CSMD1: variants seen among roughly 807,000 people sequenced by gnomAD.
CSMD1 encodes CUB and Sushi multiple domains 1, also known as CUB and sushi domain-containing protein 1.
CSMD1 carries 213 observed loss-of-function variants against 417.5 expected under a neutral mutation model. The observed-to-expected ratio is 0.51, with a 90% CI of 0.46 to 0.57. The LOEUF is 0.57. Among genes scored for constraint, CSMD1 ranks in the 20% least tolerant of loss-of-function variants. The pLI is 0.00. For synonymous variants in CSMD1, 2,862 were observed against 1,736.8 expected (o/e 1.65, Z -16.11); for missense variants, 6,923 against 4,529.7 (o/e 1.53, Z -15.17).
intron 21 of CSMD1, among the ~76,000 whole-genome samples, chr8:3,354,931 A>ATCTATATCTG (rs1808675714): frequency 1.6e-5 from 1 of 63,136 alleles, no homozygotes; most frequent in African/African-American, 8.1e-5. Context: ...ATCTATAGAT[A>ATCTATATCTG]TAGATATATA....
At chr8:3,497,108 T>C (rs938883865) in intron 10 of CSMD1, among the ~76,000 whole-genome samples, 3 of 152,156 alleles carry the variant, frequency 2.0e-5, no homozygotes, top group Non-Finnish European at 4.4e-5. Context: ...ATGAGAAAAA[T>C]GTGTATTATG....
In CSMD1 at chr8:3,298,992, G is replaced by A. The variant is rs532980304; in HGVS notation, c.3950+8703C>T. The stretch of plus-strand genomic sequence containing the variant: ...ACACAGAAAAACAAACATGCACCCT[G>A]GTACCATGGAGTTTTGCCATCTTGG... On this transcript the variant is annotated intron_variant, in intron 25 of 69. Coordinates refer to ENST00000635120, the MANE Select transcript of CSMD1 (RefSeq NM_033225.6). Among the ~76,000 whole-genome samples the A allele has an allele frequency of 2.8e-4, 43 of 152,174 alleles. 2 individuals carry two copies. In the South Asian group the frequency reaches 8.9e-3, roughly 32 times the overall value.
intron 26 of CSMD1, among the ~76,000 whole-genome samples, chr8:3,259,363 G>T (rs754179531): frequency 3.5e-4 from 54 of 152,174 alleles, no homozygotes; most frequent in Non-Finnish European, 6.9e-4. Flanking sequence ...GTCCTGCTTA[G>T]CTCTCAGCAT....
chr8:4,039,229 T>C (rs1460044524), intron 3 of CSMD1, among the ~76,000 whole-genome samples: 1 of 152,170 alleles, frequency 6.6e-6, no homozygotes, highest in Non-Finnish European at 1.5e-5. Context: ...TCTCTACACT[T>C]TGCCTCTGTA....
At position 3,795,211 on chromosome 8, in the gene CSMD1, C is replaced by A. The variant is rs868756577; in HGVS notation, c.819-41169G>T. Among the ~76,000 whole-genome samples the A allele has an allele frequency of 4.2e-5, 3 of 71,934 alleles. 1 individual carries two copies. Among genetic ancestry groups the A allele is most frequent in the Non-Finnish European group, 5.7e-5 (2 of 35,262 alleles). The allele number at this position is 71,934 out of a possible 152,430, so 47.2% of individuals were successfully genotyped here. On this transcript the variant is annotated intron_variant, in intron 5 of 69. Transcript: ENST00000635120. ...TACCTATCATGTACAGATATAGATA[C>A]CTATCATGTACAGATATAGATATAT...
At chr8:4,469,444 G>C (rs1403643265) in intron 2 of CSMD1, among the ~76,000 whole-genome samples, 1 of 152,200 alleles carries the variant, frequency 6.6e-6, no homozygotes, top group East Asian at 1.9e-4. Flanking sequence ...ACTGCAAATT[G>C]TGTTATTGGC....
chr8:4,617,528 G>C (rs546866855), intron 2 of CSMD1, among the ~76,000 whole-genome samples: 7 of 152,268 alleles, frequency 4.6e-5, no homozygotes, highest in South Asian at 2.1e-4. Flanking sequence ...TGAGGTTTCT[G>C]TCTGGATTTG....
At chr8:3,970,992 C>G (rs1201967847) in intron 5 of CSMD1, among the ~76,000 whole-genome samples, 1 of 152,106 alleles carries the variant, frequency 6.6e-6, no homozygotes, top group Non-Finnish European at 1.5e-5. Flanking sequence ...CTCAGGTGAT[C>G]CCCCCGCCTC....
At chr8:4,278,967 T>C (rs1796635187) in intron 3 of CSMD1, among the ~76,000 whole-genome samples, 1 of 152,224 alleles carries the variant, frequency 6.6e-6, no homozygotes, top group Non-Finnish European at 1.5e-5. Flanking sequence ...TATGTCCATA[T>C]ATGAAATAAG....
intron 5 of CSMD1, among the ~76,000 whole-genome samples, chr8:3,838,367 C>T (rs1242707136): frequency 6.6e-6 from 1 of 150,700 alleles, no homozygotes; most frequent in Non-Finnish European, 1.5e-5. Context: ...GAGACACTGT[C>T]TCTACTATAT....
chr8:3,083,343 ATTTTAT>A (rs1458658271), intron 49 of CSMD1, among the ~76,000 whole-genome samples: 2 of 151,834 alleles, frequency 1.3e-5, no homozygotes, highest in African/African-American at 4.8e-5. Context: ...TTCCCTTAAT[ATTTTAT>A]TTTTAACACC....
chr8:2,965,804 C>T lies in CSMD1; in HGVS notation c.9251G>A (p.Arg3084Lys), dbSNP rs61744049. 10 of 1,609,466 alleles carry T rather than the reference C, an allele frequency of 6.2e-6. No homozygotes were observed. In the African/African-American group the frequency reaches 1.2e-4, roughly 19 times the overall value. Residue 3084 changes from arginine (R) to lysine (K), a missense_variant, in exon 59 of 70, where the codon AGG becomes AAG. Physicochemically the swap from Arg to Lys is conservative, Grantham distance 26 (BLOSUM62 2). Transcript: ENST00000635120. The part of the protein sequence containing the change: ...SATIRCTKDG[R>K]WNPSKPVCKA... ...GCAGACAGGTTTGCTCGGATTCCAC[C>T]TGCCGTCTTTGGTACAGCGAATAGT...
At chr8:3,836,050 A>G (rs1415725203) in intron 5 of CSMD1, among the ~76,000 whole-genome samples, 3 of 151,934 alleles carry the variant, frequency 2.0e-5, no homozygotes, top group African/African-American at 7.3e-5. Flanking sequence ...CTAATTGTTT[A>G]TTGATTTTCT....
At chr8:3,145,674 T>C (rs1278130767) in intron 40 of CSMD1, among the ~76,000 whole-genome samples, 2 of 152,234 alleles carry the variant, frequency 1.3e-5, no homozygotes, top group Non-Finnish European at 2.9e-5. Flanking sequence ...TATCTAGCTA[T>C]CTAATTTTCA....
chr8:4,866,001 A>T (rs898544753), intron 1 of CSMD1, among the ~76,000 whole-genome samples: 2 of 151,972 alleles, frequency 1.3e-5, no homozygotes, highest in Non-Finnish European at 2.9e-5. Context: ...TAATAGCAAC[A>T]TCTAAATTTA....
chr8:4,923,479 C>T (rs1402674225), intron 1 of CSMD1, among the ~76,000 whole-genome samples: 2 of 152,130 alleles, frequency 1.3e-5, no homozygotes. Context: ...TGTGTCAAAA[C>T]ATCTTATGTA....
intron 2 of CSMD1, among the ~76,000 whole-genome samples, chr8:4,480,818 G>A (rs193097874): frequency 7.9e-4 from 121 of 152,230 alleles, no homozygotes; most frequent in African/African-American, 2.7e-3. Context: ...TCCTGAGGCC[G>A]ACTGCCACAT....
intron 5 of CSMD1, among the ~76,000 whole-genome samples, chr8:3,919,389 G>C (rs796972952): frequency 2.6e-5 from 4 of 152,018 alleles, no homozygotes; most frequent in South Asian, 2.1e-4. Flanking sequence ...GTGTTGAAGA[G>C]ACTCTCTTTT....
chr8:3,634,069 G>T (rs922915212), intron 7 of CSMD1, among the ~76,000 whole-genome samples: 1 of 152,120 alleles, frequency 6.6e-6, no homozygotes, highest in Admixed American at 6.5e-5. Flanking sequence ...TCTGGGTAGG[G>T]GGTGGTGGGG....
Sources: gnomAD v4.1 joint callset for allele counts (sites outside exome capture counted in the v4.1 genomes callset) on GRCh38, gnomAD v4.1.1 for gene constraint, MANE v1.5 for transcripts, NCBI Gene and HGNC (gene_info 2026-07-23, HGNC 2026-07-21) for gene names.